Variants in CACNB2 observed in about 807,000 individuals in gnomAD.
CACNB2 encodes the protein voltage-dependent L-type calcium channel subunit beta-2.
A neutral mutation model predicts 73.3 loss-of-function variants in CACNB2; 42 were observed. The ratio of observed to expected loss-of-function variants is 0.57; its 90% confidence interval spans 0.45 to 0.74. The LOEUF (loss-of-function observed/expected upper bound fraction) is 0.74, where lower values mean the gene tolerates loss of function less well. Ranked by LOEUF, CACNB2 falls within the 30% of genes least tolerant of loss-of-function variation. The pLI, the probability that CACNB2 is intolerant of heterozygous loss-of-function variation, is 0.00. For missense variants in CACNB2, 940 were observed against 853.0 expected (o/e 1.10, Z -1.27); for synonymous variants, 348 against 310.3 (o/e 1.12, Z -1.28).
intron 2 of CACNB2, among the ~76,000 whole-genome samples, chr10:18,383,097 C>T (rs954772492): frequency 5.3e-5 from 8 of 152,146 alleles, no homozygotes; most frequent in Non-Finnish European, 7.3e-5. Flanking sequence ...GAACACTCAC[C>T]AAAGCCACAG....
chr10:18,262,213 C>T (rs960973064), intron 2 of CACNB2, among the ~76,000 whole-genome samples: 2 of 147,054 alleles, frequency 1.4e-5, no homozygotes, highest in Non-Finnish European at 3.0e-5. Context: ...AACCCGTGAC[C>T]TTGGAAAATT....
At chr10:18,155,669 C>T (rs2031985228) in intron 2 of CACNB2, among the ~76,000 whole-genome samples, 1 of 152,176 alleles carries the variant, frequency 6.6e-6, no homozygotes, top group Admixed American at 6.5e-5. Flanking sequence ...TGCACTCCCA[C>T]AAGCAGTGGG....
chr10:18,190,949 C>G (rs775879925), intron 2 of CACNB2, among the ~76,000 whole-genome samples: 1 of 152,216 alleles, frequency 6.6e-6, no homozygotes, highest in African/African-American at 2.4e-5. Flanking sequence ...GGTGTGATAT[C>G]ATTAGATTTG....
chr10:18,249,263 C>T (rs2036991187), intron 2 of CACNB2, among the ~76,000 whole-genome samples: 1 of 152,182 alleles, frequency 6.6e-6, no homozygotes, highest in Non-Finnish European at 1.5e-5. Flanking sequence ...CTGAGCCAAC[C>T]ACTCTGCTTA....
intron 2 of CACNB2, among the ~76,000 whole-genome samples, chr10:18,185,735 G>C (rs772939774): frequency 3.9e-5 from 6 of 152,112 alleles, no homozygotes; most frequent in Non-Finnish European, 5.9e-5. Flanking sequence ...TCCCATTTGC[G>C]TAGCTTTCTT....
At chr10:18,154,292 TA>T (rs559529942) in intron 2 of CACNB2, among the ~76,000 whole-genome samples, 1,880 of 137,394 alleles carry the variant, frequency 0.014, 23 homozygotes, top group African/African-American at 0.032. Context: ...TTAAGAACTT[TA>T]AAAAAAAAAA....
At chr10:18,250,167 A>T (rs549779869) in intron 2 of CACNB2, among the ~76,000 whole-genome samples, 240 of 152,310 alleles carry the variant, frequency 1.6e-3, no homozygotes, top group African/African-American at 5.5e-3. Flanking sequence ...CTAAAAACTC[A>T]TCTCTGTGTT....
intron 3 of CACNB2, among the ~76,000 whole-genome samples, chr10:18,481,203 TATATATATA>T (rs2048712646): frequency 6.4e-5 from 1 of 15,582 alleles, no homozygotes; most frequent in Non-Finnish European, 1.2e-4. Context: ...TATATATATA[TATATATATA>T]TATATATATA....
intron 2 of CACNB2, among the ~76,000 whole-genome samples, chr10:18,360,741 C>T (rs2042108622): frequency 6.6e-6 from 1 of 152,180 alleles, no homozygotes; most frequent in South Asian, 2.1e-4. Flanking sequence ...TCTTAGACGA[C>T]TTGCTGGCTG....
At chr10:18,314,000 A>G (rs879698572) in intron 2 of CACNB2, among the ~76,000 whole-genome samples, 7 of 152,252 alleles carry the variant, frequency 4.6e-5, no homozygotes, top group Non-Finnish European at 1.0e-4. Context: ...TGGACAGTCA[A>G]ATATTTTAAC....
chr10:18,360,800 C>G (rs1204676242), intron 2 of CACNB2, among the ~76,000 whole-genome samples: 1 of 152,226 alleles, frequency 6.6e-6, no homozygotes, highest in South Asian at 2.1e-4. Context: ...GCTGAATACA[C>G]AGCCAGCAAG....
At chr10:18,263,938 A>G (rs564023155) in intron 2 of CACNB2, among the ~76,000 whole-genome samples, 1 of 152,356 alleles carries the variant, frequency 6.6e-6, no homozygotes, top group South Asian at 2.1e-4. Flanking sequence ...ACTCCTAACC[A>G]TCATTCTTTT....
chr10:18,533,262 A>G (rs187057837), intron 10 of CACNB2: 2 of 152,292 alleles, frequency 1.3e-5, no homozygotes, highest in Admixed American at 1.3e-4. Context: ...TTAAATTTTA[A>G]AAATTTACAC....
intron 2 of CACNB2, among the ~76,000 whole-genome samples, chr10:18,379,897 G>A (rs559903575): frequency 6.6e-6 from 1 of 152,216 alleles, no homozygotes; most frequent in Admixed American, 6.5e-5. Context: ...ATGTTACACA[G>A]GCTGGTCTCA....
At chr10:18,415,480 A>G (rs1238109397) in intron 3 of CACNB2, among the ~76,000 whole-genome samples, 1 of 140,990 alleles carries the variant, frequency 7.1e-6, no homozygotes, top group Non-Finnish European at 1.6e-5. Context: ...AAAAAAAAAA[A>G]CAAAGAAAAG....
chr10:18,471,912 C>G (rs2048205898), intron 3 of CACNB2, among the ~76,000 whole-genome samples: 1 of 152,156 alleles, frequency 6.6e-6, no homozygotes, highest in African/African-American at 2.4e-5. Context: ...AAGCAACATC[C>G]TAACATCACT....
intron 2 of CACNB2, among the ~76,000 whole-genome samples, chr10:18,288,087 C>A (rs1459060239): frequency 6.6e-6 from 1 of 152,132 alleles, no homozygotes; most frequent in Non-Finnish European, 1.5e-5. Flanking sequence ...TATAAGGACA[C>A]CAGTCATATT....
At chr10:18,496,928 A>T (rs1299742174) in intron 3 of CACNB2, among the ~76,000 whole-genome samples, 4 of 151,694 alleles carry the variant, frequency 2.6e-5, no homozygotes, top group Non-Finnish European at 5.9e-5. Context: ...TACATAGAAG[A>T]GGCCAGGCAT....
chr10:18,432,307 A>G (rs1472513665), intron 3 of CACNB2, among the ~76,000 whole-genome samples: 4 of 152,174 alleles, frequency 2.6e-5, no homozygotes, highest in Admixed American at 6.5e-5. Flanking sequence ...GCTTCTTCAC[A>G]GTCTTTGATA....
Sources: allele counts gnomAD v4.1 joint callset (sites outside exome capture counted in the v4.1 genomes callset), GRCh38; gene constraint gnomAD v4.1.1; transcripts MANE v1.5; gene names NCBI Gene and HGNC (gene_info 2026-07-23, HGNC 2026-07-21).